The following PGCKA1 variants were observed in gnomAD, a reference collection of about 807,000 sequenced individuals.
PGCKA1 encodes the protein PDCD10 and GCKIII kinases associated 1.
chr4:37,508,432 C>G, the PGCKA1 span, among the ~76,000 whole-genome samples: 1 of 152,010 alleles, frequency 6.6e-6, no homozygotes, highest in South Asian at 2.1e-4. Context: ...TGTGTATTTT[C>G]AAATAGCATG....
chr4:37,570,621 C>G, the PGCKA1 span, among the ~76,000 whole-genome samples: 1 of 152,152 alleles, frequency 6.6e-6, no homozygotes, highest in Non-Finnish European at 1.5e-5. Flanking sequence ...TAGCGGCTCA[C>G]TAAATATTTG....
At chr4:37,462,371 G>A in the PGCKA1 span, among the ~76,000 whole-genome samples, 1 of 152,192 alleles carries the variant, frequency 6.6e-6, no homozygotes, top group African/African-American at 2.4e-5. Flanking sequence ...TTCTCTATCT[G>A]TCCAACTAAA....
At chr4:37,489,860 T>C in the PGCKA1 span, among the ~76,000 whole-genome samples, 1 of 152,144 alleles carries the variant, frequency 6.6e-6, no homozygotes, top group Non-Finnish European at 1.5e-5. Flanking sequence ...AAAATGTTAG[T>C]GCAAATGAAT....
the PGCKA1 span, among the ~76,000 whole-genome samples, chr4:37,528,670 T>C: frequency 6.6e-6 from 1 of 152,158 alleles, no homozygotes; most frequent in Non-Finnish European, 1.5e-5. Context: ...GACACCCATA[T>C]TGATTGATGC....
chr4:37,484,848 TC>T, the PGCKA1 span, among the ~76,000 whole-genome samples: 2 of 152,176 alleles, frequency 1.3e-5, no homozygotes, highest in African/African-American at 2.4e-5. Context: ...ATCTTGGACT[TC>T]CCAACCTCCA....
the PGCKA1 span, among the ~76,000 whole-genome samples, chr4:37,486,460 C>T: frequency 6.6e-6 from 1 of 152,134 alleles, no homozygotes; most frequent in South Asian, 2.1e-4. Flanking sequence ...AATCATTCTG[C>T]CGAGCAAGAA....
At chr4:37,549,833 T>A in the PGCKA1 span, among the ~76,000 whole-genome samples, 1 of 151,966 alleles carries the variant, frequency 6.6e-6, no homozygotes, top group Non-Finnish European at 1.5e-5. Context: ...GCAAAGTGAC[T>A]CTGAAGAAGA....
chr4:37,573,055 C>G, the PGCKA1 span, among the ~76,000 whole-genome samples: 1 of 152,198 alleles, frequency 6.6e-6, no homozygotes, highest in Non-Finnish European at 1.5e-5. Context: ...CACCACCAAT[C>G]CATCTTATAT....
the PGCKA1 span, chr4:37,590,848 C>A: frequency 1.2e-6 from 2 of 1,614,184 alleles, no homozygotes; most frequent in East Asian, 2.2e-5. Flanking sequence ...TCATGCCATG[C>A]CTGTGGTTGA....
the PGCKA1 span, among the ~76,000 whole-genome samples, chr4:37,495,306 A>G: frequency 6.1e-4 from 93 of 152,334 alleles, no homozygotes; most frequent in South Asian, 0.011. Context: ...TAGTTCAGCC[A>G]TTGTAGAAGA....
At chr4:37,522,973 CCTTA>C in the PGCKA1 span, among the ~76,000 whole-genome samples, 1 of 152,072 alleles carries the variant, frequency 6.6e-6, no homozygotes, top group Admixed American at 6.6e-5. Context: ...GCCAGCACTC[CCTTA>C]GTCACCCCAG....
At chr4:37,538,681 T>C in the PGCKA1 span, among the ~76,000 whole-genome samples, 1 of 152,224 alleles carries the variant, frequency 6.6e-6, no homozygotes. Flanking sequence ...GTGAATTTGA[T>C]AGCAGTGATG....
the PGCKA1 span, among the ~76,000 whole-genome samples, chr4:37,482,843 C>G: frequency 6.6e-6 from 1 of 152,190 alleles, no homozygotes; most frequent in Admixed American, 6.5e-5. Flanking sequence ...CCAGCCATGG[C>G]TAAAAGGGGC....
chr4:37,478,010 G>A, the PGCKA1 span, among the ~76,000 whole-genome samples: 1 of 152,068 alleles, frequency 6.6e-6, no homozygotes, highest in Non-Finnish European at 1.5e-5. Flanking sequence ...TACAAAAACT[G>A]CATCTTTACA....
chr4:37,590,230 C>T, the PGCKA1 span: 2 of 1,614,102 alleles, frequency 1.2e-6, no homozygotes, highest in Non-Finnish European at 1.7e-6. Context: ...CCCTCAGAGG[C>T]AGGGCTCAAA....
At chr4:37,565,872 T>C in the PGCKA1 span, among the ~76,000 whole-genome samples, 1 of 152,088 alleles carries the variant, frequency 6.6e-6, no homozygotes, top group South Asian at 2.1e-4. Flanking sequence ...TTAATCTGGG[T>C]AGGCACCATT....
At chr4:37,514,989 C>A in the PGCKA1 span, among the ~76,000 whole-genome samples, 1 of 152,170 alleles carries the variant, frequency 6.6e-6, no homozygotes, top group African/African-American at 2.4e-5. Context: ...CCTAAGAGAA[C>A]ACTTCGTGTC....
chr4:37,587,259 T>C, the PGCKA1 span, among the ~76,000 whole-genome samples: 2 of 152,152 alleles, frequency 1.3e-5, no homozygotes, highest in South Asian at 4.2e-4. Context: ...ACTAGGCAAA[T>C]TGTACCATCT....
chr4:37,513,867 C>T, the PGCKA1 span, among the ~76,000 whole-genome samples: 3 of 152,212 alleles, frequency 2.0e-5, no homozygotes, highest in African/African-American at 2.4e-5. Flanking sequence ...TGGGAGAGTC[C>T]GTTTAGCGAT....
Sources: gnomAD v4.1 joint callset for allele counts (sites outside exome capture counted in the v4.1 genomes callset) on GRCh38, gnomAD v4.1.1 for gene constraint, MANE v1.5 for transcripts, NCBI Gene and HGNC (gene_info 2026-07-23, HGNC 2026-07-21) for gene names.